Variants in SLC2A9 observed in about 807,000 individuals in gnomAD.
SLC2A9 encodes the protein solute carrier family 2 member 9.
In SLC2A9, 39 loss-of-function variants were observed where a neutral mutation model predicts 50.6. That is an observed-to-expected ratio of 0.77 (90% CI 0.60 to 1.01). The LOEUF (loss-of-function observed/expected upper bound fraction) is 1.01, where lower values mean the gene tolerates loss of function less well. SLC2A9 is among the 50% of genes least tolerant of loss of function. The pLI is 0.00. For missense variants in SLC2A9, 686 were observed against 677.6 expected, an observed-to-expected ratio of 1.01 and a Z score of -0.14; for synonymous variants, 324 against 276.9, an observed-to-expected ratio of 1.17 and a Z score of -1.69.
chr4:9,931,963 T>TCA (rs1746157780), intron 6 of SLC2A9, among the ~76,000 whole-genome samples: 3 of 30,108 alleles, frequency 1.0e-4, no homozygotes, highest in African/African-American at 6.6e-4. Context: ...TCTCTCTCTC[T>TCA]ATATATATAT....
intron 2 of SLC2A9, among the ~76,000 whole-genome samples, chr4:10,018,708 C>T (rs1320790170): frequency 6.6e-6 from 1 of 152,044 alleles, no homozygotes; most frequent in Non-Finnish European, 1.5e-5. Context: ...CCGGGACTTC[C>T]GAAGCCCCCT....
intron 8 of SLC2A9, among the ~76,000 whole-genome samples, chr4:9,905,134 G>A: frequency 6.6e-6 from 1 of 152,224 alleles, no homozygotes; most frequent in East Asian, 1.9e-4. Context: ...GGCACAGTAT[G>A]AGTGCACCTT....
intron 10 of SLC2A9, among the ~76,000 whole-genome samples, chr4:9,839,812 A>G (rs1364935885): frequency 6.6e-6 from 1 of 152,072 alleles, no homozygotes; most frequent in African/African-American, 2.4e-5. Context: ...AACAACACAC[A>G]CTGGGGCTTA....
chr4:10,000,674 G>A (rs1454661827), intron 2 of SLC2A9, among the ~76,000 whole-genome samples: 3 of 152,116 alleles, frequency 2.0e-5, no homozygotes, highest in Non-Finnish European at 1.5e-5. Context: ...AGGTCTCTTG[G>A]TGCTAAGAGG....
chr4:9,782,902 G>C, intron 3 of SLC2A9: 1 of 1,614,028 alleles, frequency 6.2e-7, no homozygotes. Flanking sequence ...TCAAGAAGGA[G>C]ACCAAGGTTC....
At chr4:9,955,854 C>CTCAAGCATCT (rs1456308950) in intron 5 of SLC2A9, among the ~76,000 whole-genome samples, 2 of 141,396 alleles carry the variant, frequency 1.4e-5, no homozygotes, top group Non-Finnish European at 3.0e-5. Context: ...TGAGGTAGGG[C>CTCAAGCATCT]TCAAGCATCT....
intron 3 of SLC2A9, among the ~76,000 whole-genome samples, chr4:9,806,049 A>G (rs2108961779): frequency 6.6e-6 from 1 of 152,344 alleles, no homozygotes; most frequent in Non-Finnish European, 1.5e-5. Context: ...TTCAAAGGAA[A>G]GAATGCAGAG....
chr4:9,978,216 G>C (rs1048377218), intron 5 of SLC2A9, among the ~76,000 whole-genome samples: 1 of 152,200 alleles, frequency 6.6e-6, no homozygotes, highest in African/African-American at 2.4e-5. Flanking sequence ...CTTGCAGTCT[G>C]AGTAAGAAAG....
At chr4:9,895,085 C>T (rs1012148692) in intron 8 of SLC2A9, among the ~76,000 whole-genome samples, 1 of 152,200 alleles carries the variant, frequency 6.6e-6, no homozygotes, top group African/African-American at 2.4e-5. Flanking sequence ...AGTGTGCTTA[C>T]AAAAGTCAGT....
At position 9,955,219 on chromosome 4, in the gene SLC2A9, G is replaced by T. The variant is rs1425002210; in HGVS notation, c.682-13174C>A. Among the ~76,000 whole-genome samples, 31 of 43,448 alleles carry T rather than the reference G, an allele frequency of 7.1e-4. 11 individuals carry two copies. Among genetic ancestry groups the T allele is most frequent in the Non-Finnish European group, 4.9e-4 (11 of 22,234 alleles). The allele number at this position is 43,448 out of a possible 152,430, so 28.5% of individuals were successfully genotyped here. On this transcript the variant is annotated intron_variant, in intron 5 of 11. Transcript: ENST00000264784. ...ATATAAAACTCCAAGTCGGCCGGGC[G>T]CGGTGGCTCACGCTTGTAATCCCAG...
chr4:9,939,682 A>C (rs1292740125), intron 6 of SLC2A9, among the ~76,000 whole-genome samples: 1 of 152,094 alleles, frequency 6.6e-6, no homozygotes, highest in Admixed American at 6.5e-5. Flanking sequence ...ATGTATGTGA[A>C]GTGCTTAGAA....
At chr4:9,953,006 G>A (rs16891285) in intron 5 of SLC2A9, among the ~76,000 whole-genome samples, 1 of 152,144 alleles carries the variant, frequency 6.6e-6, no homozygotes, top group Non-Finnish European at 1.5e-5. Flanking sequence ...TTCTTGCATT[G>A]TAAGATGCTT....
In SLC2A9 at chr4:10,038,266, A is replaced by G. The variant is rs186278403; in HGVS notation, c.-41+1864T>C. ...TCACGCCTGTAATCCCAGTGCTTTG[A>G]GAGGCCGAGGCGGGCGGATCACTTG... On this transcript the variant is annotated intron_variant, in intron 1 of 12. Transcript: ENST00000309065. Among the ~76,000 whole-genome samples the G allele has an allele frequency of 1.3e-3, 198 of 149,120 alleles. 1 individual carries two copies. Among genetic ancestry groups the G allele is most frequent in the Non-Finnish European group, 2.6e-3 (176 of 66,968 alleles).
rs1015676923 is a variant in SLC2A9, at chr4:9,816,864, T to G, written n.420+9556A>C. Among the ~76,000 whole-genome samples, 4 of 152,138 alleles carry G rather than the reference T, an allele frequency of 2.6e-5. No homozygotes were observed. The South Asian group carries it at 8.3e-4, about 32-fold the overall frequency. ...ACGCACATACACCCTCTTAGTGGCT[T>G]AAAACAACAAAAATTTATTATCTTA... On this transcript the variant is annotated intron_variant and non_coding_transcript_variant, in intron 3 of 3. Transcript: ENST00000503280.
chr4:9,794,906 TG>T (rs1222708569), downstream of SLC2A9, among the ~76,000 whole-genome samples: 7 of 151,852 alleles, frequency 4.6e-5, no homozygotes, highest in Admixed American at 6.6e-5. Flanking sequence ...AGCAGAGGTC[TG>T]GGTTTGGGAC....
intron 8 of SLC2A9, among the ~76,000 whole-genome samples, chr4:9,903,512 G>A (rs973949017): frequency 6.6e-6 from 1 of 152,082 alleles, no homozygotes; most frequent in African/African-American, 2.4e-5. Context: ...AAAACCAGCT[G>A]TTTCTGAAAG....
chr4:9,839,224 T>C (rs1727602821), intron 10 of SLC2A9, among the ~76,000 whole-genome samples: 1 of 152,086 alleles, frequency 6.6e-6, no homozygotes, highest in East Asian at 1.9e-4. Flanking sequence ...TTAAAAATCA[T>C]ATGAAGAAAA....
At chr4:9,931,962 C>CTCTCTCTA (rs1560329576) in intron 6 of SLC2A9, among the ~76,000 whole-genome samples, 5 of 14,574 alleles carry the variant, frequency 3.4e-4, no homozygotes, top group African/African-American at 3.8e-4. Flanking sequence ...CTCTCTCTCT[C>CTCTCTCTA]TATATATATA....
intron 7 of SLC2A9, among the ~76,000 whole-genome samples, chr4:9,919,702 G>A (rs1201951317): frequency 6.6e-6 from 1 of 152,176 alleles, no homozygotes; most frequent in Non-Finnish European, 1.5e-5. Flanking sequence ...CCTGCCAAGT[G>A]GTTGGCCAGC....
Sources: gnomAD v4.1 joint callset for allele counts (sites outside exome capture counted in the v4.1 genomes callset) on GRCh38, gnomAD v4.1.1 for gene constraint, MANE v1.5 for transcripts, NCBI Gene and HGNC (gene_info 2026-07-23, HGNC 2026-07-21) for gene names.